The following RNF31 variants were observed in gnomAD, a reference collection of about 807,000 sequenced individuals.
RNF31 encodes ring finger protein 31.
RNF31 carries 38 observed loss-of-function variants against 133.6 expected under a neutral mutation model. That is an observed-to-expected ratio of 0.28 (90% confidence interval 0.22 to 0.37). The LOEUF (loss-of-function observed/expected upper bound fraction) is 0.37. Ranked by LOEUF, RNF31 falls within the 10% of genes least tolerant of loss-of-function variation. The pLI is 1.00. For missense variants in RNF31, 1,118 were observed against 1,394.1 expected (o/e 0.80, Z 3.15); for synonymous variants, 582 against 552.3 (o/e 1.05, Z -0.75).
In RNF31 at chr14:24,158,151, G is replaced by A. The variant is rs373561182; in HGVS notation, c.2851G>A (p.Val951Ile). Residue 951 changes from valine (V) to isoleucine (I), a missense_variant, in exon 18 of 21, where the codon GTC becomes ATC. By Grantham distance (29) the Val-to-Ile change is conservative. This residue lies in a region of RNF31 where 170 missense variants were observed against 194.5 expected (regional missense o/e 0.87). Coordinates refer to ENST00000324103, the MANE Select transcript of RNF31 (RefSeq NM_017999.5). ...RLQKLLQDNN[V>I]MFNTEPPAGA... ...TGTCTCTCCTCCTCAGGACAATAAC[G>A]TCATGTTTAATACAGAGCCTCCAGC... The A allele has an allele frequency of 6.6e-5, 107 of 1,614,120 alleles. No individual in the cohort carries two copies. The highest frequency in any genetic ancestry group is 3.3e-5 in the Admixed American group (2 of 60,012).
chr14:24,153,438 G>A (rs540421445), intron 11 of RNF31, among the ~76,000 whole-genome samples: 4 of 152,098 alleles, frequency 2.6e-5, no homozygotes, highest in South Asian at 4.2e-4. Flanking sequence ...TTAGCCAGGC[G>A]TGGTGGCGTG....
Position 24,149,578 on chromosome 14 carries a change from C to T in RNF31, c.804C>T (p.Ser268=), listed in dbSNP as rs970014264. ...LPGVLQGTHL[S]PSLPASAQPR... ...GGGTCCTGCAGGGTACCCACCTGAG[C>T]CCCAGGTGAGAGGGCTTCTCTTCTG... The change falls in exon 6 of 21, where the codon AGC becomes AGT. Residue 268 remains serine, a synonymous_variant. Transcript: ENST00000324103. The T allele has an allele frequency of 5.0e-6, 8 of 1,612,564 alleles. No individual in the cohort carries two copies. Among genetic ancestry groups the T allele is most frequent in the Non-Finnish European group, 6.8e-6 (8 of 1,179,140 alleles).
In RNF31 at chr14:24,151,857, G is replaced by A. The variant is rs761145186; in HGVS notation, c.1995G>A (p.Leu665=). 7 of 1,614,130 alleles carry A rather than the reference G, an allele frequency of 4.3e-6. No homozygotes were observed. In the East Asian group the frequency reaches 1.6e-4, roughly 36 times the overall value. Residue 665 remains leucine (L), a synonymous_variant, in exon 11 of 21, where the codon CTG becomes CTA. Transcript: ENST00000324103. The surrounding 1 kb of genome is among the most constrained non-coding windows in gnomAD (Gnocchi z 5.3). ...SWGRAELALS[L]LQETPRNYEL... is the part of the protein sequence containing the mutation. ...GCCGGGCAGAGCTGGCACTGTCACT[G>A]CTGCAGGAGACACCCAGGAACTATG...
intron 14 of RNF31, 95 bp from the exon 15 acceptor site, chr14:24,157,195 A>G: frequency 1.1e-6 from 1 of 879,248 alleles, no homozygotes; most frequent in Non-Finnish European, 1.7e-6. Context: ...ACATAAACCA[A>G]GCTGGGGAAC....
At chr14:24,159,584 C>CAA (rs59295225) in intron 18 of RNF31, among the ~76,000 whole-genome samples, 1,355 of 81,742 alleles carry the variant, frequency 0.017, 17 homozygotes, top group African/African-American at 0.044. Context: ...AAATAACAAC[C>CAA]AAAAAAAAAA....
intron 18 of RNF31, 195 bp from the exon 19 acceptor site, chr14:24,159,669 G>T (rs539779930): frequency 1.5e-4 from 70 of 460,984 alleles, no homozygotes; most frequent in African/African-American, 1.2e-3. Flanking sequence ...GTAGGGACAA[G>T]GTCCCTGCCT....
chr14:24,153,157 G>A (rs527441491), intron 11 of RNF31, among the ~76,000 whole-genome samples: 4 of 152,142 alleles, frequency 2.6e-5, no homozygotes, highest in African/African-American at 9.6e-5. Flanking sequence ...TTTTCAAAAA[G>A]AATTTTGCTG....
intron 3 of RNF31, 71 bp from the exon 4 acceptor site, chr14:24,148,571 G>C (rs1264742976): frequency 6.3e-7 from 1 of 1,589,106 alleles, no homozygotes; most frequent in Non-Finnish European, 8.6e-7. Context: ...AATGTTAAGG[G>C]ACCAGGGCTT....
At position 24,150,602 on chromosome 14, in the gene RNF31, G is replaced by C; in HGVS notation, c.1202G>C (p.Gly401Ala). The C allele has an allele frequency of 5.6e-6, 9 of 1,606,836 alleles. No homozygotes were observed. Among genetic ancestry groups the C allele is most frequent in the Non-Finnish European group, 7.7e-6 (9 of 1,173,980 alleles). ...TAATTCTCTCTGCCTTCCCAGCAGG[G>C]GGATGCTTTGCTGGCCTCTGCCCAG... ...AGICLQPLQQGDALLASAQSQ... is the reference protein window; with the variant it reads ...AGICLQPLQQADALLASAQSQ... Residue 401 changes from glycine to alanine, a missense_variant, in exon 8 of 21, where the codon GGG becomes GCG. Gly to Ala is a moderately conservative substitution (Grantham distance 60). This residue lies in a region of RNF31 where 747 missense variants were observed against 827.9 expected (regional missense o/e 0.90). Coordinates refer to ENST00000324103, the MANE Select transcript of RNF31 (RefSeq NM_017999.5).
In RNF31 at chr14:24,157,886, G is replaced by C; in HGVS notation, c.2728-12G>C. 6.2e-7 allele frequency: 1 copy of C among 1,611,306 alleles called. No individual in the cohort carries two copies. Among genetic ancestry groups the C allele is most frequent in the Non-Finnish European group, 8.5e-7 (1 of 1,178,230 alleles). On this transcript the variant is annotated splice_polypyrimidine_tract_variant and intron_variant, in intron 16 of 20. Coordinates refer to ENST00000324103, the MANE Select transcript of RNF31 (RefSeq NM_017999.5). ...TCTCCAACTTCCTCTCTCCCATCTG[G>C]GTTTCTGCCAGAAATGTCCAGAGCC...
At position 24,151,718 on chromosome 14, in the gene RNF31, A is replaced by T; in HGVS notation, c.1923+48A>T. On this transcript the variant is annotated intron_variant, in intron 10 of 20. Coordinates refer to ENST00000324103, the MANE Select transcript of RNF31 (RefSeq NM_017999.5). This position sits in a 1 kb window ranked among gnomAD's most constrained non-coding sequence, Gnocchi z 5.3. ...CCAAGGGTCCACCTAGAGGAGCAAG[A>T]GGGAGCTGAGGGGAAGGGTCCCTGG... 1.2e-6 allele frequency: 2 copies of T among 1,602,564 alleles called. No homozygotes were observed. The highest frequency in any genetic ancestry group is 2.2e-5 in the South Asian group (2 of 90,784).
chr14:24,151,236 C>T lies in RNF31; in HGVS notation c.1594C>T (p.Leu532=). 6.2e-7 allele frequency: 1 copy of T among 1,614,230 alleles called. No homozygotes were observed. Residue 532 remains leucine (L), a synonymous_variant, in exon 9 of 21, where the codon CTG becomes TTG. Coordinates refer to ENST00000324103, the MANE Select transcript of RNF31 (RefSeq NM_017999.5). This position sits in a 1 kb window ranked among gnomAD's most constrained non-coding sequence, Gnocchi z 5.3. The stretch of plus-strand genomic sequence containing the variant: ...GTTGCGCTCAGAACTGCCCTACGTC[C>T]TGGAGATGGTGGCTGAGCTGGCTGG... The part of the protein sequence containing the change: ...QWLRSELPYV[L]EMVAELAGQQ...
Position 24,155,095 on chromosome 14 carries a change from C to T in RNF31, c.2131-62C>T. ...TTCTTAGTGGACACCTGGCCACTGC[C>T]TCTTCCCTAGCCTGGCAGCTGTGGC... On this transcript the variant is annotated intron_variant, in intron 11 of 20. Transcript: ENST00000324103. The surrounding 1 kb of genome is among the most constrained non-coding windows in gnomAD (Gnocchi z 4.9). 1 of 1,541,546 alleles carries T rather than the reference C, an allele frequency of 6.5e-7. No individual in the cohort carries two copies. The highest frequency in any genetic ancestry group is 8.9e-7 in the Non-Finnish European group (1 of 1,123,266).
rs1380313069 is a variant in RNF31 at position 24,151,977 on chromosome 14, C to T, written c.2115C>T (p.Ala705=). 1.2e-6 allele frequency: 2 copies of T among 1,613,836 alleles called. No individual in the cohort carries two copies. Among genetic ancestry groups the T allele is most frequent in the Non-Finnish European group, 1.7e-6 (2 of 1,179,980 alleles). ...LAQECAVCGW[A]LPHNRMQALT... ...AGGAGTGTGCCGTGTGTGGCTGGGCCCTGCCCCACAACCGGGTAAGTCCCT... is the reference window on the plus strand; with the variant it reads ...AGGAGTGTGCCGTGTGTGGCTGGGCTCTGCCCCACAACCGGGTAAGTCCCT... The change falls in exon 11 of 21, where the codon GCC becomes GCT. Residue 705 remains alanine, a synonymous_variant. Transcript: ENST00000324103. The surrounding 1 kb of genome is among the most constrained non-coding windows in gnomAD (Gnocchi z 5.3).
rs1401357734 is a variant in RNF31, at chr14:24,151,219, C to T, written c.1577C>T (p.Ser526Leu). Reference sequence around the variant, plus strand: ...GAGGTGCCTCTGCAGTGGTTGCGCTCAGAACTGCCCTACGTCCTGGAGATG... The same window carrying T: ...GAGGTGCCTCTGCAGTGGTTGCGCTTAGAACTGCCCTACGTCCTGGAGATG... Reference protein sequence around the residue: ...GTEVPLQWLRSELPYVLEMVA... With the variant: ...GTEVPLQWLRLELPYVLEMVA... The change falls in exon 9 of 21, where the codon TCA (serine) becomes TTA (leucine). Residue 526 changes from serine (S) to leucine (L), a missense_variant. Physicochemically the swap from Ser to Leu is moderately radical, Grantham distance 145 (BLOSUM62 -2). Around this residue, in one of 3 missense-constraint regions of RNF31, gnomAD observed 747 missense variants for 827.9 expected, o/e 0.90. Coordinates refer to ENST00000324103, the MANE Select transcript of RNF31 (RefSeq NM_017999.5). This position sits in a 1 kb window ranked among gnomAD's most constrained non-coding sequence, Gnocchi z 5.3. The T allele has an allele frequency of 2.5e-6, 4 of 1,614,186 alleles. No individual in the cohort carries two copies. Among genetic ancestry groups the T allele is most frequent in the Non-Finnish European group, 3.4e-6 (4 of 1,180,050 alleles).
chr14:24,160,396 C>G lies in RNF31; in HGVS notation c.3154C>G (p.Arg1052Gly). ...AGAGGATCCCCCTGCTTACCAGGCC[C>G]GCTTGTTACAGGTATAGCCTCCACC... ...AGEDPPAYQA[R>G]LLQKLTEEVP... The change falls in exon 20 of 21, where the codon CGC becomes GGC. Residue 1052 changes from arginine (R) to glycine (G), a missense_variant. Arg to Gly is a moderately radical substitution (Grantham distance 125, BLOSUM62 -2). Coordinates refer to ENST00000324103, the MANE Select transcript of RNF31 (RefSeq NM_017999.5). The surrounding 1 kb of genome is among the most constrained non-coding windows in gnomAD (Gnocchi z 4.0). 1 of 1,614,080 alleles carries G rather than the reference C, an allele frequency of 6.2e-7. No individual in the cohort carries two copies. Among genetic ancestry groups the G allele is most frequent in the Non-Finnish European group, 8.5e-7 (1 of 1,179,948 alleles).
At chr14:24,148,511 G>A (rs762202313) in intron 3 of RNF31, 98 bp downstream of exon 3, 33 of 1,600,930 alleles carry the variant, frequency 2.1e-5, no homozygotes, top group Middle Eastern at 1.7e-4. Context: ...GCTGAACTAT[G>A]GGCATAGTTC....
Position 24,151,440 on chromosome 14 carries a change from G to C in RNF31, c.1738-45G>C. The C allele has an allele frequency of 6.2e-7, 1 of 1,613,302 alleles. No homozygotes were observed. The highest frequency in any genetic ancestry group is 1.3e-5 in the African/African-American group (1 of 75,042). ...GTCTGCATCTCTCACACTCTCCCTT[G>C]CTTGCTTTCCCACTTCATTCCCCCT... On this transcript the variant is annotated intron_variant, in intron 9 of 20. Coordinates refer to ENST00000324103, the MANE Select transcript of RNF31 (RefSeq NM_017999.5). The surrounding 1 kb of genome is among the most constrained non-coding windows in gnomAD (Gnocchi z 5.3).
At chr14:24,150,988 C>A in intron 8 of RNF31, 100 bp downstream of exon 8, 1 of 1,494,226 alleles carries the variant, frequency 6.7e-7, no homozygotes, top group Non-Finnish European at 9.0e-7. Flanking sequence ...TTGTTAGCAG[C>A]AGCTGCCTGT....
Sources: allele counts gnomAD v4.1 joint callset (sites outside exome capture counted in the v4.1 genomes callset), GRCh38; gene constraint gnomAD v4.1.1; regional missense constraint gnomAD v4.1.1; non-coding constraint Gnocchi (gnomAD v3.1); transcripts MANE v1.5; gene names NCBI Gene and HGNC (gene_info 2026-07-23, HGNC 2026-07-21).